Variants in SGMS1 observed in about 807,000 individuals in gnomAD.
SGMS1 encodes sphingomyelin synthase 1, also known as phosphatidylcholine:ceramide cholinephosphotransferase 1.
A neutral mutation model predicts 46.2 loss-of-function variants in SGMS1; 13 were observed. The ratio of observed to expected loss-of-function variants is 0.28; its 90% confidence interval spans 0.18 to 0.45. The LOEUF (loss-of-function observed/expected upper bound fraction) is 0.45, where lower values mean the gene tolerates loss of function less well. Ranked by LOEUF, SGMS1 falls within the 20% of genes least tolerant of loss-of-function variation. The pLI, the probability that SGMS1 is intolerant of heterozygous loss-of-function variation, is 1.00. For synonymous variants in SGMS1, 203 were observed against 187.8 expected, an observed-to-expected ratio of 1.08 and a Z score of -0.66; for missense variants, 324 against 519.9, an observed-to-expected ratio of 0.62 and a Z score of 3.66.
chr10:50,465,373 C>A (rs1837316957), intron 4 of SGMS1, among the ~76,000 whole-genome samples: 2 of 151,926 alleles, frequency 1.3e-5, no homozygotes, highest in Admixed American at 1.3e-4. Flanking sequence ...AGGGAACACA[C>A]AGGAAAATGT....
At chr10:50,600,760 C>A (rs912014770) in intron 1 of SGMS1, among the ~76,000 whole-genome samples, 6 of 152,186 alleles carry the variant, frequency 3.9e-5, no homozygotes, top group African/African-American at 1.2e-4. Flanking sequence ...AGACACCATG[C>A]TGGACACTAA....
chr10:50,514,254 G>T (rs951117810), intron 3 of SGMS1, among the ~76,000 whole-genome samples: 1 of 152,162 alleles, frequency 6.6e-6, no homozygotes, highest in Non-Finnish European at 1.5e-5. Flanking sequence ...TCTGGTGATT[G>T]TCTACCTACC....
At chr10:50,507,592 A>G (rs1246430142) in intron 3 of SGMS1, among the ~76,000 whole-genome samples, 1 of 152,234 alleles carries the variant, frequency 6.6e-6, no homozygotes. Flanking sequence ...CACCCTGAAC[A>G]GCACCCTGAT....
At chr10:50,463,417 T>C (rs1837291324) in intron 4 of SGMS1, among the ~76,000 whole-genome samples, 1 of 152,210 alleles carries the variant, frequency 6.6e-6, no homozygotes, top group Non-Finnish European at 1.5e-5. Context: ...CATGAAAAGA[T>C]GCTTAACATC....
At chr10:50,546,942 C>A (rs1233318220) in intron 2 of SGMS1, among the ~76,000 whole-genome samples, 1 of 152,072 alleles carries the variant, frequency 6.6e-6, no homozygotes, top group Admixed American at 6.6e-5. Context: ...ATATTTTAAT[C>A]CTCATTTTAC....
intron 8 of SGMS1, among the ~76,000 whole-genome samples, chr10:50,313,997 T>TA (rs911556254): frequency 2.6e-5 from 4 of 151,880 alleles, no homozygotes; most frequent in Admixed American, 2.6e-4. Flanking sequence ...AAATTATGTT[T>TA]AAAAAAAGCA....
At position 50,376,822 on chromosome 10, in the gene SGMS1, C is replaced by G. The variant is rs147904659; in HGVS notation, c.-231-32477G>C. ...GTATATGTGCCACATTTTCTTAATCCAGTCTATCACTGATGGACATTTGGG... is the reference window on the plus strand; with the variant it reads ...GTATATGTGCCACATTTTCTTAATCGAGTCTATCACTGATGGACATTTGGG... On this transcript the variant is annotated intron_variant, in intron 6 of 10. Coordinates refer to ENST00000361781, the MANE Select transcript of SGMS1 (RefSeq NM_147156.4). 9.2e-3 allele frequency among the ~76,000 whole-genome samples: 1,402 copies of G among 152,232 alleles called. 24 individuals carry two copies. Among genetic ancestry groups the G allele is most frequent in the African/African-American group, 0.031 (1,280 of 41,522 alleles).
intron 1 of SGMS1, among the ~76,000 whole-genome samples, chr10:50,620,736 G>A (rs1838841814): frequency 6.6e-6 from 1 of 152,230 alleles, no homozygotes; most frequent in Non-Finnish European, 1.5e-5. Flanking sequence ...TGATGCCTGT[G>A]TGCAAACAAT....
At chr10:50,484,104 A>G (rs930682104) in intron 3 of SGMS1, among the ~76,000 whole-genome samples, 1 of 152,150 alleles carries the variant, frequency 6.6e-6, no homozygotes, top group Non-Finnish European at 1.5e-5. Flanking sequence ...CAAATACAGG[A>G]GCTGGCTTTT....
chr10:50,370,564 A>C (rs1848419365), intron 6 of SGMS1, among the ~76,000 whole-genome samples: 1 of 151,776 alleles, frequency 6.6e-6, no homozygotes, highest in African/African-American at 2.4e-5. Context: ...AACATGGTGA[A>C]ACCCTGTCTC....
At chr10:50,399,304 C>G (rs529358492) in intron 6 of SGMS1, among the ~76,000 whole-genome samples, 5 of 151,990 alleles carry the variant, frequency 3.3e-5, no homozygotes, top group Non-Finnish European at 2.9e-5. Flanking sequence ...AATTTCAAAA[C>G]AGGAGATTAT....
chr10:50,619,573 G>T (rs563160304), intron 1 of SGMS1, among the ~76,000 whole-genome samples: 40 of 152,276 alleles, frequency 2.6e-4, no homozygotes, highest in African/African-American at 8.7e-4. Context: ...GGAGAAAAAC[G>T]TAAAACAAGC....
At chr10:50,565,933 C>G (rs777167644) in intron 2 of SGMS1, among the ~76,000 whole-genome samples, 1 of 152,242 alleles carries the variant, frequency 6.6e-6, no homozygotes, top group Non-Finnish European at 1.5e-5. Flanking sequence ...GATAACCACA[C>G]TTACAGTGTC....
rs750349777 is a variant in SGMS1 at position 50,458,339 on chromosome 10, C to CTTTTTTTT, written c.-313+2326_-313+2333dup. Among the ~76,000 whole-genome samples, 857 of 97,156 alleles carry CTTTTTTTT rather than the reference C, an allele frequency of 8.8e-3. 22 individuals carry two copies. Among genetic ancestry groups the CTTTTTTTT allele is most frequent in the South Asian group, 0.011 (29 of 2,722 alleles). 63.7% of individuals were successfully genotyped at this position (97,156 alleles called of 152,430 possible). ...TCTGGCTCTGCTATTTTCTTTTTCT[C>CTTTTTTTT]TTTTTTTTTTTTTTTTTTTTTTTTT... is the stretch of plus-strand genomic sequence containing the variant. On this transcript the variant is annotated intron_variant, in intron 5 of 10. Coordinates refer to ENST00000361781, the MANE Select transcript of SGMS1 (RefSeq NM_147156.4).
chr10:50,327,755 C>A (rs896932739), intron 7 of SGMS1, among the ~76,000 whole-genome samples: 5 of 152,134 alleles, frequency 3.3e-5, no homozygotes, highest in Non-Finnish European at 7.4e-5. Context: ...ACTTTTATGC[C>A]ATTTAATGAG....
At chr10:50,471,607 A>G (rs1427858512) in intron 3 of SGMS1, among the ~76,000 whole-genome samples, 1 of 152,258 alleles carries the variant, frequency 6.6e-6, no homozygotes, top group Non-Finnish European at 1.5e-5. Context: ...ACTTTATTCA[A>G]ATTAAATCTT....
At chr10:50,606,970 A>G (rs1160849804) in intron 1 of SGMS1, among the ~76,000 whole-genome samples, 1 of 151,570 alleles carries the variant, frequency 6.6e-6, no homozygotes, top group Non-Finnish European at 1.5e-5. Context: ...GCTCAGCTCT[A>G]GCATTGTACT....
intron 6 of SGMS1, among the ~76,000 whole-genome samples, chr10:50,360,255 C>G (rs1416808119): frequency 6.6e-6 from 1 of 152,182 alleles, no homozygotes; most frequent in African/African-American, 2.4e-5. Flanking sequence ...AAGCTGAAAT[C>G]TGAATCCAAG....
intron 6 of SGMS1, among the ~76,000 whole-genome samples, chr10:50,363,894 T>C (rs781002405): frequency 4.6e-5 from 7 of 151,502 alleles, no homozygotes; most frequent in African/African-American, 9.7e-5. Flanking sequence ...CTAATAAATA[T>C]AAAAGCCAGA....
Sources: allele counts gnomAD v4.1 joint callset (sites outside exome capture counted in the v4.1 genomes callset), GRCh38; gene constraint gnomAD v4.1.1; transcripts MANE v1.5; gene names NCBI Gene and HGNC (gene_info 2026-07-23, HGNC 2026-07-21).